Variants in SSC5D observed in about 807,000 individuals in gnomAD.
SSC5D encodes soluble scavenger receptor cysteine-rich domain-containing protein SSC5D.
In SSC5D, 106 loss-of-function variants were observed where a neutral mutation model predicts 104.6. The observed-to-expected ratio is 1.01, with a 90% CI of 0.87 to 1.19. The LOEUF (loss-of-function observed/expected upper bound fraction) is 1.19, where lower values mean the gene tolerates loss of function less well. Among genes scored for constraint, SSC5D ranks in the 50% most tolerant of loss-of-function variants. The pLI is 0.00. For synonymous variants in SSC5D, 860 were observed against 883.5 expected, an observed-to-expected ratio of 0.97 and a Z score of 0.47; for missense variants, 1,993 against 2,153.8, an observed-to-expected ratio of 0.93 and a Z score of 1.48.
chr19:55,515,742 AT>A (rs200360693), intron 13 of SSC5D, among the ~76,000 whole-genome samples: 16,296 of 149,726 alleles, frequency 0.11, 1,166 homozygotes, highest in East Asian at 0.18. Context: ...AAAAAAAAAA[AT>A]AAAATAAAAT....
Position 55,494,761 on chromosome 19 carries a change from T to C in SSC5D, c.1365T>C (p.Leu455=). 1 of 1,545,374 alleles carries C rather than the reference T, an allele frequency of 6.5e-7. No homozygotes were observed. Among genetic ancestry groups the C allele is most frequent in the Non-Finnish European group, 8.7e-7 (1 of 1,143,812 alleles). ...CTCCTCCAGCCTCCCCTACTGTCCT[T>C]TGGGAGCCTGGACCGGAAGCCGGTG... ...VSPPPASPTV[L]WEPGPEAGSP... Residue 455 remains leucine (L), a synonymous_variant, in exon 8 of 14, where the codon CTT becomes CTC. Coordinates refer to ENST00000389623, the MANE Select transcript of SSC5D (RefSeq NM_001144950.2).
intron 13 of SSC5D, among the ~76,000 whole-genome samples, chr19:55,516,917 C>T (rs113925846): frequency 0.018 from 2,691 of 151,902 alleles, 69 homozygotes; most frequent in African/African-American, 0.059. Flanking sequence ...CGCACCCCAG[C>T]ACCCCACGCA....
Position 55,500,430 on chromosome 19 carries a change from G to A in SSC5D, c.2302+18G>A, listed in dbSNP as rs779669648. 3 of 1,549,050 alleles carry A rather than the reference G, an allele frequency of 1.9e-6. No homozygotes were observed. The highest frequency in any genetic ancestry group is 2.0e-5 in the Admixed American group (1 of 50,882). On this transcript the variant is annotated intron_variant, in intron 10 of 13. Transcript: ENST00000389623. The surrounding 1 kb of genome is among the most constrained non-coding windows in gnomAD (Gnocchi z 4.6). ...GGAATCAGGTGAGTGGCCGTGAGGG[G>A]TGTGGGGAGAGAATGGGAGAGGCTG...
chr19:55,500,829 G>A lies in SSC5D; in HGVS notation c.2617+25G>A, dbSNP rs1418417805. The A allele has an allele frequency of 6.5e-7, 1 of 1,534,320 alleles. No homozygotes were observed. Among genetic ancestry groups the A allele is most frequent in the South Asian group, 1.2e-5 (1 of 81,886 alleles). ...GGTACCAGGGCATGGCGGCGGTGGTGGGGTTGTCGGGGGTGGCCAGGAGAA... is the reference window on the plus strand; with the variant it reads ...GGTACCAGGGCATGGCGGCGGTGGTAGGGTTGTCGGGGGTGGCCAGGAGAA... On this transcript the variant is annotated intron_variant, in intron 11 of 13. Coordinates refer to ENST00000389623, the MANE Select transcript of SSC5D (RefSeq NM_001144950.2). This position sits in a 1 kb window ranked among gnomAD's most constrained non-coding sequence, Gnocchi z 4.6.
intron 12 of SSC5D, among the ~76,000 whole-genome samples, chr19:55,512,682 C>A (rs560538037): frequency 5.3e-5 from 8 of 152,236 alleles, no homozygotes; most frequent in Admixed American, 4.6e-4. Flanking sequence ...GGGGTTTCTC[C>A]ATGTTGGCCA....
Position 55,499,988 on chromosome 19 carries a change from G to A in SSC5D, c.1878G>A (p.Lys626=), listed in dbSNP as rs1382873652. ...TTTKAPGKMP[K]STKKWVTKNA... ...CGAAGGCCCCAGGGAAAATGCCTAA[G>A]AGTACTAAGAAGTGGGTGACAAAAA... is the stretch of plus-strand genomic sequence containing the variant. Residue 626 remains lysine (K), a synonymous_variant, in exon 10 of 14, where the codon AAG becomes AAA. Transcript: ENST00000389623. 3.9e-6 allele frequency: 6 copies of A among 1,551,946 alleles called. No individual in the cohort carries two copies. The East Asian group carries it at 9.8e-5, about 25-fold the overall frequency.
At chr19:55,499,399 TTC>T (rs1289128495) in intron 9 of SSC5D, among the ~76,000 whole-genome samples, 6 of 152,202 alleles carry the variant, frequency 3.9e-5, no homozygotes, top group African/African-American at 1.4e-4. Context: ...CACAGAAGGA[TTC>T]TGAGTTCGGG....
chr19:55,497,006 C>T (rs950777003), intron 8 of SSC5D, among the ~76,000 whole-genome samples: 2 of 152,200 alleles, frequency 1.3e-5, no homozygotes, highest in African/African-American at 4.8e-5. Flanking sequence ...GTGATCTGCC[C>T]GCCTGGGCCT....
At chr19:55,495,968 T>G (rs1987317039) in intron 8 of SSC5D, among the ~76,000 whole-genome samples, 1 of 146,148 alleles carries the variant, frequency 6.8e-6, no homozygotes, top group South Asian at 2.2e-4. Context: ...CTCAAACTCC[T>G]GGCCTTAGGT....
rs1987951814 is a variant in SSC5D at position 55,518,680 on chromosome 19, C to T, written c.4404C>T (p.Gly1468=). ...GGCCAACTCCTGGTCAGAGCCCAGGCCCCCATGGTCCATGTGTGGCCCCAA... is the reference window on the plus strand; with the variant it reads ...GGCCAACTCCTGGTCAGAGCCCAGGTCCCCATGGTCCATGTGTGGCCCCAA... ...TLGPTPGQSP[G]PHGPCVAPTP... Residue 1468 remains glycine (G), a synonymous_variant, in exon 14 of 14, where the codon GGC becomes GGT. Coordinates refer to ENST00000389623, the MANE Select transcript of SSC5D (RefSeq NM_001144950.2). The T allele has an allele frequency of 6.5e-7, 1 of 1,548,254 alleles. No homozygotes were observed. Among genetic ancestry groups the T allele is most frequent in the Admixed American group, 2.0e-5 (1 of 50,602 alleles).
chr19:55,517,209 T>TTCC lies in SSC5D; in HGVS notation c.2948-5_2948-3dup. The TTCC allele has an allele frequency of 3.3e-6, 5 of 1,532,328 alleles. No individual in the cohort carries two copies. Among genetic ancestry groups the TTCC allele is most frequent in the Middle Eastern group, 2.0e-4 (1 of 4,890 alleles). The allele number at this position is 1,532,328 out of a possible 1,614,324, so 94.9% of individuals were successfully genotyped here. A position where few individuals can be genotyped will look rare whatever the true frequency, so the allele number is the denominator to read the frequency against. On this transcript the variant is annotated splice_polypyrimidine_tract_variant and intron_variant, in intron 13 of 13. Coordinates refer to ENST00000389623, the MANE Select transcript of SSC5D (RefSeq NM_001144950.2). ...TTGACCTCAGACCGTCCGTCTGTCT[T>TTCC]TCCTCCTCCTCCAGGTTCCCCGAGG...
chr19:55,493,422 T>C (rs1987208493), intron 6 of SSC5D, among the ~76,000 whole-genome samples, 173 bp from the exon 7 acceptor site: 1 of 152,130 alleles, frequency 6.6e-6, no homozygotes, highest in Non-Finnish European at 1.5e-5. Context: ...TGCGCCAGAG[T>C]TGGACTCCGG....
intron 12 of SSC5D, among the ~76,000 whole-genome samples, chr19:55,506,616 G>A (rs369616201): frequency 2.6e-5 from 4 of 151,728 alleles, no homozygotes; most frequent in South Asian, 2.1e-4. Flanking sequence ...GGATGGTCTC[G>A]ATCTCCTGAC....
Position 55,489,908 on chromosome 19 carries a change from G to C in SSC5D, c.388G>C (p.Asp130His), listed in dbSNP as rs201151273. The change falls in exon 4 of 14, where the codon GAC becomes CAC. Residue 130 changes from aspartate to histidine, a missense_variant. Transcript: ENST00000389623. Reference sequence around the variant, plus strand: ...TCAGCGTGTGGCTAACTCCAGGGACGACTCAACATCTCCCCTGGATGGGGC... The same window carrying C: ...TCAGCGTGTGGCTAACTCCAGGGACCACTCAACATCTCCCCTGGATGGGGC... ...AGQRVANSRDDSTSPLDGAPW... is the reference protein window; with the variant it reads ...AGQRVANSRDHSTSPLDGAPW... The C allele has an allele frequency of 1.6e-5, 25 of 1,548,472 alleles. No individual in the cohort carries two copies. The highest frequency in any genetic ancestry group is 1.7e-4 in the Middle Eastern group (1 of 5,990).
In SSC5D at chr19:55,498,024, G is replaced by T; in HGVS notation, c.1532G>T (p.Gly511Val). The T allele has an allele frequency of 6.4e-7, 1 of 1,551,736 alleles. No individual in the cohort carries two copies. Among genetic ancestry groups the T allele is most frequent in the African/African-American group, 1.4e-5 (1 of 73,160 alleles). Reference protein sequence around the residue: ...SAVVCRELGCGGPQQPDPAAG... With the variant: ...SAVVCRELGCVGPQQPDPAAG... ...GTGGTCTGCCGGGAGCTGGGCTGTG[G>T]TGGACCTCAGCAGCCAGACCCTGCT... is the stretch of plus-strand genomic sequence containing the variant. Residue 511 changes from glycine (G) to valine (V), a missense_variant, in exon 9 of 14, where the codon GGT (glycine) becomes GTT (valine). This residue lies in a region of SSC5D where 1,101 missense variants were observed against 1,085.0 expected (regional missense o/e 1.01). Coordinates refer to ENST00000389623, the MANE Select transcript of SSC5D (RefSeq NM_001144950.2).
intron 7 of SSC5D, among the ~76,000 whole-genome samples, 186 bp from the exon 8 acceptor site, chr19:55,494,424 A>G (rs1027649659): frequency 6.6e-6 from 1 of 152,042 alleles, no homozygotes; most frequent in African/African-American, 2.4e-5. Context: ...CGTGCTCCGC[A>G]TTCACACCCC....
chr19:55,512,208 A>C (rs1348616339), intron 12 of SSC5D, among the ~76,000 whole-genome samples: 1 of 151,648 alleles, frequency 6.6e-6, no homozygotes. Flanking sequence ...TCAAAAAAAA[A>C]AAAAAAGAAA....
chr19:55,490,159 C>T (rs1987095751), intron 4 of SSC5D, 139 bp from the exon 5 acceptor site: 1 of 611,138 alleles, frequency 1.6e-6, no homozygotes, highest in Non-Finnish European at 2.9e-6. Context: ...ACACAGCCCG[C>T]CCCCTGCCCC....
At position 55,513,042 on chromosome 19, in the gene SSC5D, G is replaced by A. The variant is rs766158177; in HGVS notation, c.2817G>A (p.Thr939=). 3.0e-5 allele frequency: 47 copies of A among 1,551,882 alleles called. No homozygotes were observed. Among genetic ancestry groups the A allele is most frequent in the Admixed American group, 2.6e-4 (13 of 50,980 alleles). Residue 939 remains threonine (T), a synonymous_variant, in exon 13 of 14, where the codon ACG becomes ACA. Transcript: ENST00000389623. ...GSKDGYKLPW[T]WDTPSGRGLA... ...AAGATGGTTACAAGCTTCCCTGGAC[G>A]TGGGACACACCATCAGGAAGGGGCC...
Sources: gnomAD v4.1 joint callset for allele counts (sites outside exome capture counted in the v4.1 genomes callset) on GRCh38, gnomAD v4.1.1 for gene constraint, gnomAD v4.1.1 regional missense constraint, Gnocchi (gnomAD v3.1) non-coding constraint, MANE v1.5 for transcripts, NCBI Gene and HGNC (gene_info 2026-07-23, HGNC 2026-07-21) for gene names.